The following GMNC variants were observed in gnomAD, a reference collection of about 807,000 sequenced individuals.
The protein encoded by GMNC is geminin coiled-coil domain containing, also known as geminin coiled-coil domain-containing protein 1.
GMNC carries 16 observed loss-of-function variants against 33.6 expected under a neutral mutation model. The ratio of observed to expected loss-of-function variants is 0.48; its 90% confidence interval spans 0.32 to 0.72. The LOEUF (loss-of-function observed/expected upper bound fraction) is 0.72, where lower values mean the gene tolerates loss of function less well. Ranked by LOEUF, GMNC falls within the 30% of genes least tolerant of loss-of-function variation. The probability of loss-of-function intolerance (pLI) is 0.03; values close to 1 mark genes in which losing one functional copy is unlikely to be tolerated. For missense variants in GMNC, 393 were observed against 388.9 expected, an observed-to-expected ratio of 1.01 and a Z score of -0.09; for synonymous variants, 156 against 147.3, an observed-to-expected ratio of 1.06 and a Z score of -0.43.
rs1254986298 is a variant in GMNC at position 190,853,797 on chromosome 3, T to C, written c.*1498A>G. The C allele has an allele frequency of 1.3e-5, 2 of 152,080 alleles. No individual in the cohort carries two copies. The highest frequency in any genetic ancestry group is 1.9e-4 in the East Asian group (1 of 5,204). The allele number at this position is 152,080 out of a possible 1,614,324, so 9.4% of individuals were successfully genotyped here. On this transcript the variant is annotated 3_prime_UTR_variant, in exon 5 of 5. Transcript: ENST00000442080. ...TGGGAATGATAGGGGTCTTGAGAGA[T>C]GGGAAAGAAGAAAACTAGCACAAGC...
At chr3:190,858,817 G>A in intron 3 of GMNC, 111 bp downstream of exon 3, 1 of 619,254 alleles carries the variant, frequency 1.6e-6, no homozygotes, top group South Asian at 2.2e-5. Flanking sequence ...AGTCACTTTG[G>A]TTCTAAACTG....
chr3:190,847,210 A>G, the GMNC span, among the ~76,000 whole-genome samples: 26 of 152,316 alleles, frequency 1.7e-4, no homozygotes, highest in Admixed American at 2.6e-4. Context: ...TTTGGTGACA[A>G]TAACCTAGGG....
the GMNC span, among the ~76,000 whole-genome samples, chr3:190,845,795 C>G: frequency 3.3e-5 from 5 of 152,078 alleles, no homozygotes; most frequent in Non-Finnish European, 7.4e-5. Context: ...ACGTGAGCCA[C>G]CGCGCCGGGC....
At chr3:190,858,377 A>T (rs1244817313) in intron 3 of GMNC, among the ~76,000 whole-genome samples, 1 of 151,568 alleles carries the variant, frequency 6.6e-6, no homozygotes, top group African/African-American at 2.4e-5. Context: ...ATTTTGCTGG[A>T]CTCCTCCCTT....
downstream of GMNC, among the ~76,000 whole-genome samples, chr3:190,850,311 C>T (rs1737613114): frequency 6.6e-6 from 1 of 152,230 alleles, no homozygotes; most frequent in Non-Finnish European, 1.5e-5. Flanking sequence ...CAAATATTAT[C>T]ATTATGTGTG....
chr3:190,855,899 T>A lies in GMNC; in HGVS notation c.401A>T (p.Asp134Val). 1 of 1,547,000 alleles carries A rather than the reference T, an allele frequency of 6.5e-7. No homozygotes were observed. The highest frequency in any genetic ancestry group is 1.4e-5 in the African/African-American group (1 of 72,872). The change falls in exon 5 of 5, where the codon GAT becomes GTT. Residue 134 changes from aspartate to valine, a missense_variant. By Grantham distance (152) the Asp-to-Val change is radical (BLOSUM62 -3). Transcript: ENST00000442080. ...EEKAKKLLSS[D>V]EFSKAYGKFR... ...TTTTCCATATGCTTTGGAGAACTCA[T>A]CAGATGAGAGCAATTTCTAGGGAAG...
rs1400127672 is a variant in GMNC, at chr3:190,861,839, T to C, written c.3+774A>G. 6.6e-6 allele frequency among the ~76,000 whole-genome samples: 1 copy of C among 152,138 alleles called. No homozygotes were observed. Among genetic ancestry groups the C allele is most frequent in the Non-Finnish European group, 1.5e-5 (1 of 68,036 alleles). On this transcript the variant is annotated intron_variant, in intron 1 of 4. Transcript: ENST00000442080. The surrounding 1 kb of genome is among the most constrained non-coding windows in gnomAD (Gnocchi z 5.1). ...TACAACACCAAATTTAAATTATTTG[T>C]CAATGTTTAATCAGGTAAAAGCCAT...
rs1252955915 is a variant in GMNC at position 190,861,774 on chromosome 3, C to A, written c.3+839G>T. Among the ~76,000 whole-genome samples the A allele has an allele frequency of 6.6e-6, 1 of 152,144 alleles. No individual in the cohort carries two copies. The highest frequency in any genetic ancestry group is 1.9e-4 in the East Asian group (1 of 5,192). The stretch of plus-strand genomic sequence containing the variant: ...TCAAACACACAGTCTTTCCATACGT[C>A]CAGGCAGGGGCAGGTATGCAGCCTT... On this transcript the variant is annotated intron_variant, in intron 1 of 4. Transcript: ENST00000442080. The surrounding 1 kb of genome is among the most constrained non-coding windows in gnomAD (Gnocchi z 5.1).
downstream of GMNC, among the ~76,000 whole-genome samples, chr3:190,850,104 T>C (rs1361059862): frequency 6.6e-6 from 1 of 152,236 alleles, no homozygotes; most frequent in East Asian, 1.9e-4. Flanking sequence ...CGAATTTCTC[T>C]CTTTTGAAAT....
downstream of GMNC, among the ~76,000 whole-genome samples, chr3:190,850,970 G>GAA (rs35343087): frequency 3.3e-5 from 5 of 150,570 alleles, no homozygotes; most frequent in South Asian, 2.1e-4. Flanking sequence ...TTTCTCCAAG[G>GAA]AAAAAAAAAT....
At position 190,861,561 on chromosome 3, in the gene GMNC, C is replaced by T. The variant is rs1737872559; in HGVS notation, c.4-703G>A. Among the ~76,000 whole-genome samples, 1 of 152,086 alleles carries T rather than the reference C, an allele frequency of 6.6e-6. No homozygotes were observed. ...TTTGCTCCCAACACTAAGCACAGGA[C>T]CACAAAGCTGCTCCAAGTAAACGTA... On this transcript the variant is annotated intron_variant, in intron 1 of 4. Transcript: ENST00000442080. The surrounding 1 kb of genome is among the most constrained non-coding windows in gnomAD (Gnocchi z 5.1).
intron 4 of GMNC, among the ~76,000 whole-genome samples, chr3:190,856,464 A>AATATTTATAAATAAATATAAAT (rs1317493418): frequency 7.8e-6 from 1 of 128,006 alleles, no homozygotes; most frequent in Non-Finnish European, 1.6e-5. Flanking sequence ...TATATGAATA[A>AATATTTATAAATAAATATAAAT]ATATTTATAA....
At chr3:190,860,648 C>T (rs1355655679) in intron 2 of GMNC, 36 bp downstream of exon 2, 2 of 1,519,856 alleles carry the variant, frequency 1.3e-6, no homozygotes, top group African/African-American at 1.4e-5. Flanking sequence ...GAAAAGAGCT[C>T]CAGATCTATC....
rs1266398700 is a variant in GMNC at position 190,862,452 on chromosome 3, G to A, written c.3+161C>T. On this transcript the variant is annotated intron_variant, in intron 1 of 4. Coordinates refer to ENST00000442080, the MANE Select transcript of GMNC (RefSeq NM_001146686.3). This position sits in a 1 kb window ranked among gnomAD's most constrained non-coding sequence, Gnocchi z 4.5. ...AGAGAGAGAGAGAAAGCAGATAGAG[G>A]ATACTAAAAGAGACACAGGGCAGCA... 2.0e-5 allele frequency among the ~76,000 whole-genome samples: 3 copies of A among 151,820 alleles called. No individual in the cohort carries two copies. Among genetic ancestry groups the A allele is most frequent in the Non-Finnish European group, 4.4e-5 (3 of 67,966 alleles).
chr3:190,847,249 A>G, the GMNC span, among the ~76,000 whole-genome samples: 1 of 152,154 alleles, frequency 6.6e-6, no homozygotes, highest in African/African-American at 2.4e-5. Flanking sequence ...CATAGCTTCC[A>G]GTTCAGTATT....
intron 2 of GMNC, 81 bp downstream of exon 2, chr3:190,860,603 G>C (rs1307693124): frequency 8.1e-7 from 1 of 1,234,766 alleles, no homozygotes; most frequent in Non-Finnish European, 1.1e-6. Context: ...TTATTCTAGA[G>C]TCCCAGCCCA....
chr3:190,859,459 T>C (rs964920889), intron 2 of GMNC, among the ~76,000 whole-genome samples: 3 of 152,192 alleles, frequency 2.0e-5, no homozygotes, highest in Admixed American at 6.5e-5. Flanking sequence ...ATAATTAAAT[T>C]CTAGTCTGTA....
rs1244791412 is a variant in GMNC at position 190,857,913 on chromosome 3, A to G, written c.268-14T>C. The stretch of plus-strand genomic sequence containing the variant: ...GGTATCTTGCAGCTACAAAAAGCAG[A>G]CAGTGGTGAAGGCTGCTCCACTATA... On this transcript the variant is annotated splice_polypyrimidine_tract_variant and intron_variant, in intron 3 of 4. Coordinates refer to ENST00000442080, the MANE Select transcript of GMNC (RefSeq NM_001146686.3). 3 of 1,390,742 alleles carry G rather than the reference A, an allele frequency of 2.2e-6. No homozygotes were observed. The highest frequency in any genetic ancestry group is 2.9e-5 in the African/African-American group (2 of 69,824). 86.2% of individuals were successfully genotyped at this position (1,390,742 alleles called of 1,614,324 possible). A position where few individuals can be genotyped will look rare whatever the true frequency, so the allele number is the denominator to read the frequency against.
rs1737663722 is a variant in GMNC at position 190,853,177 on chromosome 3, C to CTT, written c.*2117_*2118insAA. On this transcript the variant is annotated 3_prime_UTR_variant, in exon 5 of 5. Coordinates refer to ENST00000442080, the MANE Select transcript of GMNC (RefSeq NM_001146686.3). The stretch of plus-strand genomic sequence containing the variant: ...GGGTGTACCCTCATGGTACTTAACA[C>CTT]ATGATAAGGCACACAAAGAATGCAA... The CTT allele has an allele frequency of 6.6e-6, 1 of 152,102 alleles. No homozygotes were observed. Among genetic ancestry groups the CTT allele is most frequent in the Non-Finnish European group, 1.5e-5 (1 of 67,982 alleles). 9.4% of individuals were successfully genotyped at this position (152,102 alleles called of 1,614,324 possible).
Sources: gnomAD v4.1 joint callset for allele counts (sites outside exome capture counted in the v4.1 genomes callset) on GRCh38, gnomAD v4.1.1 for gene constraint, Gnocchi (gnomAD v3.1) non-coding constraint, MANE v1.5 for transcripts, NCBI Gene and HGNC (gene_info 2026-07-23, HGNC 2026-07-21) for gene names.